The following RPS6KC1 variants were observed in gnomAD, a reference collection of about 807,000 sequenced individuals.
The protein encoded by RPS6KC1 is ribosomal protein S6 kinase C1, also known as inactive ribosomal protein S6 kinase delta-1.
RPS6KC1 carries 54 observed loss-of-function variants against 103.8 expected under a neutral mutation model. The ratio of observed to expected loss-of-function variants is 0.52; its 90% CI spans 0.42 to 0.65. The LOEUF (loss-of-function observed/expected upper bound fraction) is 0.65, where lower values mean the gene tolerates loss of function less well. RPS6KC1 is among the 30% of genes least tolerant of loss of function. The pLI, the probability that RPS6KC1 is intolerant of heterozygous loss-of-function variation, is 0.00. For synonymous variants in RPS6KC1, 439 were observed against 438.7 expected, an observed-to-expected ratio of 1.00 and a Z score of -0.01; for missense variants, 1,151 against 1,253.8, an observed-to-expected ratio of 0.92 and a Z score of 1.24.
the RPS6KC1 span, among the ~76,000 whole-genome samples, chr1:213,279,891 T>C: frequency 6.6e-6 from 1 of 152,320 alleles, no homozygotes; most frequent in East Asian, 1.9e-4. Context: ...ATCCCAAACC[T>C]ATTGAATTGG....
the RPS6KC1 span, among the ~76,000 whole-genome samples, chr1:213,801,391 T>C: frequency 0.085 from 12,916 of 152,288 alleles, 578 homozygotes; most frequent in Middle Eastern, 0.18. Flanking sequence ...GTGTTTTCAA[T>C]GAAATCTTGA....
In RPS6KC1 at chr1:213,240,077, A is replaced by G. The variant is rs967259704; in HGVS notation, c.1226-625A>G. Among the ~76,000 whole-genome samples the G allele has an allele frequency of 2.0e-5, 3 of 152,144 alleles. 1 individual carries two copies. The highest frequency in any genetic ancestry group is 4.4e-5 in the Non-Finnish European group (3 of 68,002). ...GGAATTTCCGTAGCTTGCTTTATTA[A>G]TGGTTGCCCAATTAATTTTCCTCAG... On this transcript the variant is annotated intron_variant, in intron 10 of 14. Coordinates refer to ENST00000366960, the MANE Select transcript of RPS6KC1 (RefSeq NM_012424.6).
intron 8 of RPS6KC1, among the ~76,000 whole-genome samples, chr1:213,217,591 A>G (rs898744613): frequency 2.0e-5 from 3 of 152,250 alleles, no homozygotes; most frequent in Admixed American, 6.5e-5. Context: ...TTAGACCAAT[A>G]ACCCTGATGA....
chr1:213,365,891 T>C, the RPS6KC1 span, among the ~76,000 whole-genome samples: 4 of 152,230 alleles, frequency 2.6e-5, no homozygotes, highest in African/African-American at 7.2e-5. Context: ...ATGTAATGAA[T>C]GGGTGAGATT....
the RPS6KC1 span, among the ~76,000 whole-genome samples, chr1:213,562,737 C>T: frequency 1.3e-5 from 2 of 151,994 alleles, no homozygotes; most frequent in Admixed American, 1.3e-4. Context: ...AATGAGAGCT[C>T]ATTGTAATCC....
At chr1:213,638,002 A>G in the RPS6KC1 span, among the ~76,000 whole-genome samples, 2 of 151,940 alleles carry the variant, frequency 1.3e-5, no homozygotes, top group Non-Finnish European at 2.9e-5. Flanking sequence ...TTTTTTTTGT[A>G]GAGATGGAGT....
chr1:213,573,519 G>A, the RPS6KC1 span, among the ~76,000 whole-genome samples: 1 of 152,138 alleles, frequency 6.6e-6, no homozygotes, highest in Non-Finnish European at 1.5e-5. Context: ...CTTTATCTGG[G>A]GCATTAGCCA....
the RPS6KC1 span, among the ~76,000 whole-genome samples, chr1:213,351,727 G>T: frequency 6.6e-6 from 1 of 152,140 alleles, no homozygotes; most frequent in African/African-American, 2.4e-5. Context: ...AAAATTGCCA[G>T]AGGTGACTTC....
the RPS6KC1 span, among the ~76,000 whole-genome samples, chr1:213,622,671 G>T: frequency 3.3e-5 from 5 of 152,052 alleles, no homozygotes; most frequent in South Asian, 1.0e-3. Context: ...CCCTCCCCCT[G>T]ACCCCCATAG....
At chr1:213,621,491 A>G in the RPS6KC1 span, among the ~76,000 whole-genome samples, 1 of 152,124 alleles carries the variant, frequency 6.6e-6, no homozygotes, top group African/African-American at 2.4e-5. Context: ...AGTCACCTCA[A>G]AAGAAGCTTA....
At chr1:213,846,097 C>A in the RPS6KC1 span, among the ~76,000 whole-genome samples, 1 of 149,696 alleles carries the variant, frequency 6.7e-6, no homozygotes, top group East Asian at 2.0e-4. Flanking sequence ...TCAAGACCAG[C>A]CTGGCCAACA....
chr1:213,069,537 T>G (rs532018492), intron 1 of RPS6KC1, among the ~76,000 whole-genome samples: 1 of 152,310 alleles, frequency 6.6e-6, no homozygotes, highest in South Asian at 2.1e-4. Flanking sequence ...ATCCTCTATT[T>G]TTTGTTCTTA....
the RPS6KC1 span, among the ~76,000 whole-genome samples, chr1:213,376,523 TA>T: frequency 1.6e-3 from 232 of 144,856 alleles, no homozygotes; most frequent in Admixed American, 3.7e-3. Context: ...TATTGAGAAT[TA>T]AAAAAAAAAA....
chr1:213,846,519 G>A, the RPS6KC1 span, among the ~76,000 whole-genome samples: 1 of 152,036 alleles, frequency 6.6e-6, no homozygotes, highest in South Asian at 2.1e-4. Flanking sequence ...TAACTAATTA[G>A]CTTGCTAATT....
At chr1:213,847,900 C>T in the RPS6KC1 span, among the ~76,000 whole-genome samples, 1 of 152,054 alleles carries the variant, frequency 6.6e-6, no homozygotes. Flanking sequence ...ATTCTGGATC[C>T]CAAAAATTCC....
the RPS6KC1 span, among the ~76,000 whole-genome samples, chr1:213,777,316 C>G: frequency 6.6e-6 from 1 of 152,104 alleles, no homozygotes; most frequent in Non-Finnish European, 1.5e-5. Flanking sequence ...GTGACTCTTC[C>G]TTTTACTTGA....
At chr1:213,230,982 C>T (rs371581349) in intron 9 of RPS6KC1, among the ~76,000 whole-genome samples, 1 of 151,704 alleles carries the variant, frequency 6.6e-6, no homozygotes, top group Non-Finnish European at 1.5e-5. Flanking sequence ...ATATCCCCCC[C>T]CTAGGTTTTG....
the RPS6KC1 span, among the ~76,000 whole-genome samples, chr1:213,589,923 G>T: frequency 6.8e-6 from 1 of 146,090 alleles, no homozygotes; most frequent in South Asian, 2.2e-4. Context: ...CCTTATTCTT[G>T]TGACAAAAGG....
the RPS6KC1 span, among the ~76,000 whole-genome samples, chr1:213,645,231 A>AG: frequency 6.6e-6 from 1 of 152,132 alleles, no homozygotes; most frequent in Non-Finnish European, 1.5e-5. Context: ...TGTGCCAAAA[A>AG]GAACGTTTTT....
Sources: gnomAD v4.1 joint callset for allele counts (sites outside exome capture counted in the v4.1 genomes callset) on GRCh38, gnomAD v4.1.1 for gene constraint, MANE v1.5 for transcripts, NCBI Gene and HGNC (gene_info 2026-07-23, HGNC 2026-07-21) for gene names.